RASAL2: variants seen among roughly 807,000 people sequenced by gnomAD.
RASAL2 encodes the protein ras GTPase-activating protein nGAP.
In RASAL2, 58 loss-of-function variants were observed where a neutral mutation model predicts 128.9. The ratio of observed to expected loss-of-function variants is 0.45; its 90% CI spans 0.36 to 0.56. RASAL2 has a LOEUF of 0.56. Among genes scored for constraint, RASAL2 ranks in the 20% least tolerant of loss-of-function variants. RASAL2 has a pLI of 0.00. For missense variants in RASAL2, 1,360 were observed against 1,601.6 expected, an observed-to-expected ratio of 0.85 and a Z score of 2.57; for synonymous variants, 561 against 580.8, an observed-to-expected ratio of 0.97 and a Z score of 0.49.
intron 1 of RASAL2, among the ~76,000 whole-genome samples, chr1:178,191,990 G>A (rs977089521): frequency 6.6e-6 from 1 of 152,156 alleles, no homozygotes; most frequent in Admixed American, 6.6e-5. Context: ...ACCCTTGATA[G>A]ACACCTGAAC....
At chr1:178,206,504 C>G (rs188148568) in intron 1 of RASAL2, among the ~76,000 whole-genome samples, 55 of 152,284 alleles carry the variant, frequency 3.6e-4, no homozygotes, top group African/African-American at 1.3e-3. Flanking sequence ...GGTTAAGTGA[C>G]AAGCCAAAAT....
At chr1:178,122,206 A>G (rs1659742588) in intron 1 of RASAL2, among the ~76,000 whole-genome samples, 1 of 152,184 alleles carries the variant, frequency 6.6e-6, no homozygotes, top group East Asian at 1.9e-4. Flanking sequence ...GTGCATTAAA[A>G]TCGGTTTGGT....
intron 1 of RASAL2, among the ~76,000 whole-genome samples, chr1:178,198,406 T>G (rs965161411): frequency 7.9e-5 from 12 of 152,336 alleles, no homozygotes; most frequent in African/African-American, 2.9e-4. Context: ...GCTTTTCTGC[T>G]CTGGTTTCTC....
Position 178,445,500 on chromosome 1 carries a change from T to G in RASAL2, c.1483-18T>G. ...TTTATTCAGTTGCTTTCTGCCTGAT[T>G]GAACATTATTCTACCAGGATTTTCT... On this transcript the variant is annotated intron_variant, in intron 8 of 17. Transcript: ENST00000367649. 1.2e-6 allele frequency: 2 copies of G among 1,610,474 alleles called. No homozygotes were observed. The highest frequency in any genetic ancestry group is 1.7e-6 in the Non-Finnish European group (2 of 1,178,280).
chr1:178,260,394 A>G (rs1290281780), intron 1 of RASAL2, among the ~76,000 whole-genome samples: 1 of 83,474 alleles, frequency 1.2e-5, no homozygotes, highest in Non-Finnish European at 2.3e-5. Flanking sequence ...ATATATATAT[A>G]TATATATATA....
intron 13 of RASAL2, 111 bp from the exon 14 acceptor site, chr1:178,457,572 T>G (rs1677862364): frequency 3.7e-6 from 4 of 1,083,770 alleles, no homozygotes; most frequent in Non-Finnish European, 5.3e-6. Flanking sequence ...TCCAAAGAAA[T>G]GTACGTATCC....
In RASAL2 at chr1:178,349,452, A is replaced by G. The variant is rs139920832; in HGVS notation, c.458-40648A>G. On this transcript the variant is annotated intron_variant, in intron 3 of 17. Transcript: ENST00000367649. ...TAAAATAAAGAAAGTTCACCAGTCT[A>G]TGTGTGCCATCAAGGACTTTACATT... Among the ~76,000 whole-genome samples the G allele has an allele frequency of 1.7e-4, 26 of 151,996 alleles. No homozygotes were observed. The East Asian group carries it at 4.9e-3, about 29-fold the overall frequency.
chr1:178,228,070 C>T (rs1332949), intron 1 of RASAL2, among the ~76,000 whole-genome samples: 5 of 152,094 alleles, frequency 3.3e-5, no homozygotes, highest in East Asian at 1.9e-4. Flanking sequence ...ATTAGGCTTT[C>T]GTTAATAATA....
intron 4 of RASAL2, chr1:178,412,051 G>C: frequency 2.9e-6 from 1 of 348,952 alleles, no homozygotes; most frequent in Non-Finnish European, 5.3e-6. Context: ...AAAATAAATT[G>C]CCATCATGTG....
intron 4 of RASAL2, among the ~76,000 whole-genome samples, chr1:178,392,654 AC>A (rs1672983410): frequency 6.6e-6 from 1 of 152,136 alleles, no homozygotes; most frequent in South Asian, 2.1e-4. Context: ...TCTTGCTGTC[AC>A]TATTCCAACT....
intron 9 of RASAL2, among the ~76,000 whole-genome samples, chr1:178,447,168 G>A (rs1488347469): frequency 6.6e-6 from 1 of 152,016 alleles, no homozygotes; most frequent in East Asian, 1.9e-4. Flanking sequence ...TGATTAAGAC[G>A]AGTTGTATCC....
At chr1:178,417,690 C>T (rs1473645016) in intron 4 of RASAL2, among the ~76,000 whole-genome samples, 2 of 140,892 alleles carry the variant, frequency 1.4e-5, no homozygotes, top group Non-Finnish European at 3.0e-5. Context: ...ACCTGGGAGG[C>T]GGAGGTTGCG....
chr1:178,356,757 A>C (rs966615235), intron 3 of RASAL2, among the ~76,000 whole-genome samples: 2 of 152,294 alleles, frequency 1.3e-5, no homozygotes, highest in South Asian at 4.1e-4. Context: ...GTATTTGGGG[A>C]ATCATTTGTT....
chr1:178,138,753 A>G (rs934819831), intron 1 of RASAL2, among the ~76,000 whole-genome samples: 4 of 152,142 alleles, frequency 2.6e-5, no homozygotes, highest in Non-Finnish European at 4.4e-5. Flanking sequence ...TGGTATGGTC[A>G]CTGCATCTGA....
At chr1:178,453,454 T>A (rs993766372) in intron 11 of RASAL2, among the ~76,000 whole-genome samples, 1 of 151,886 alleles carries the variant, frequency 6.6e-6, no homozygotes. Flanking sequence ...TTGGCAAATA[T>A]AACAGTTGGT....
chr1:178,370,130 C>T (rs1179877661), intron 3 of RASAL2, among the ~76,000 whole-genome samples: 1 of 152,144 alleles, frequency 6.6e-6, no homozygotes, highest in Non-Finnish European at 1.5e-5. Flanking sequence ...TTGAACAAAA[C>T]AAAACAGTTG....
chr1:178,160,652 TGAA>T (rs1661252363), intron 1 of RASAL2, among the ~76,000 whole-genome samples: 1 of 151,994 alleles, frequency 6.6e-6, no homozygotes, highest in Non-Finnish European at 1.5e-5. Flanking sequence ...ATAATAATAA[TGAA>T]AACAAAAAAA....
At chr1:178,340,089 G>A (rs1669786862) in intron 3 of RASAL2, among the ~76,000 whole-genome samples, 1 of 151,982 alleles carries the variant, frequency 6.6e-6, no homozygotes. Flanking sequence ...CAGTGATTTA[G>A]CTATTTTTAT....
chr1:178,428,797 G>T (rs1675694965), intron 5 of RASAL2, among the ~76,000 whole-genome samples: 2 of 151,962 alleles, frequency 1.3e-5, no homozygotes, highest in African/African-American at 4.8e-5. Flanking sequence ...CTACACACTT[G>T]CCCCAGCCAA....
Sources: allele counts gnomAD v4.1 joint callset (sites outside exome capture counted in the v4.1 genomes callset), GRCh38; gene constraint gnomAD v4.1.1; transcripts MANE v1.5; gene names NCBI Gene and HGNC (gene_info 2026-07-23, HGNC 2026-07-21).